KIF3B: variants seen among roughly 807,000 people sequenced by gnomAD.
KIF3B encodes the protein kinesin family member 3B, also known as kinesin-like protein KIF3B.
A neutral mutation model predicts 74.3 loss-of-function variants in KIF3B; 38 were observed. That is an observed-to-expected ratio of 0.51 (90% CI 0.39 to 0.67). The LOEUF is 0.67. Ranked by LOEUF, KIF3B falls within the 30% of genes least tolerant of loss-of-function variation. The pLI is 0.00. For missense variants in KIF3B, 649 were observed against 932.0 expected (o/e 0.70, Z 3.95); for synonymous variants, 326 against 342.5 (o/e 0.95, Z 0.53).
rs571554356 is a variant in KIF3B at position 32,280,770 on chromosome 20, G to A, written c.-66+3005G>A. On this transcript the variant is annotated intron_variant, in intron 1 of 8. Coordinates refer to ENST00000375712, the MANE Select transcript of KIF3B (RefSeq NM_004798.4). ...GAAAGATGAAAGCTGATGGTAGGAC[G>A]TTAGGTTTAGTAGCTCAACATCCAA... is the stretch of plus-strand genomic sequence containing the variant. 8.7e-5 allele frequency among the ~76,000 whole-genome samples: 13 copies of A among 149,414 alleles called. 1 individual carries two copies. The highest frequency in any genetic ancestry group is 8.5e-4 in the South Asian group (4 of 4,706).
intron 1 of KIF3B, among the ~76,000 whole-genome samples, chr20:32,300,210 C>CT (rs1475898258): frequency 6.6e-6 from 1 of 152,120 alleles, no homozygotes; most frequent in Non-Finnish European, 1.5e-5. Flanking sequence ...TCAAGGTATC[C>CT]TACTGCCTCA....
chr20:32,296,397 G>A (rs1182066082), intron 1 of KIF3B, among the ~76,000 whole-genome samples: 4 of 152,110 alleles, frequency 2.6e-5, no homozygotes, highest in African/African-American at 9.7e-5. Flanking sequence ...GAGGCCGGGA[G>A]TTCAAGAACA....
At chr20:32,308,099 G>A (rs1312709581) in intron 1 of KIF3B, among the ~76,000 whole-genome samples, 1 of 151,950 alleles carries the variant, frequency 6.6e-6, no homozygotes, top group African/African-American at 2.4e-5. Context: ...AGCCGGGCAT[G>A]GTGGCAGGTG....
At chr20:32,293,279 G>C (rs1032991435) in intron 1 of KIF3B, among the ~76,000 whole-genome samples, 3 of 151,516 alleles carry the variant, frequency 2.0e-5, no homozygotes, top group African/African-American at 7.3e-5. Flanking sequence ...ATGAATGAAT[G>C]AAAGGAAGTA....
intron 1 of KIF3B, among the ~76,000 whole-genome samples, chr20:32,294,107 A>G (rs1291781083): frequency 6.6e-6 from 1 of 152,110 alleles, no homozygotes; most frequent in African/African-American, 2.4e-5. Context: ...TGAATACAAT[A>G]AAACCCAAGA....
intron 1 of KIF3B, among the ~76,000 whole-genome samples, chr20:32,308,852 A>G (rs2047785639): frequency 6.6e-6 from 1 of 150,532 alleles, no homozygotes; most frequent in Non-Finnish European, 1.5e-5. Context: ...AGTAGCTGGG[A>G]CTATAGGCGC....
chr20:32,309,801 G>A lies in KIF3B; in HGVS notation c.24G>A (p.Glu8=). ...TCATGTCAAAGTTGAAAAGCTCAGA[G>A]TCAGTCAGGGTGGTGGTTCGCTGTC... MSKLKSS[E]SVRVVVRCRP... Residue 8 remains glutamate (E), a synonymous_variant, in exon 2 of 9, where the codon GAG becomes GAA. Coordinates refer to ENST00000375712, the MANE Select transcript of KIF3B (RefSeq NM_004798.4). The A allele has an allele frequency of 6.2e-7, 1 of 1,613,636 alleles. No homozygotes were observed. Among genetic ancestry groups the A allele is most frequent in the East Asian group, 2.2e-5 (1 of 44,876 alleles).
At chr20:32,319,544 A>ACT (rs397688880) in intron 5 of KIF3B, among the ~76,000 whole-genome samples, 1 of 138,302 alleles carries the variant, frequency 7.2e-6, no homozygotes, top group Non-Finnish European at 1.5e-5. Flanking sequence ...ACACACACAC[A>ACT]TATGTGTATA....
chr20:32,292,602 A>AAAAAG (rs1569190720), intron 1 of KIF3B, among the ~76,000 whole-genome samples: 8 of 150,462 alleles, frequency 5.3e-5, no homozygotes, highest in African/African-American at 1.7e-4. Flanking sequence ...AAAAAAAAAA[A>AAAAAG]AAAAGAAAAG....
At chr20:32,305,130 A>T (rs1345665496) in intron 1 of KIF3B, among the ~76,000 whole-genome samples, 1 of 152,150 alleles carries the variant, frequency 6.6e-6, no homozygotes, top group East Asian at 1.9e-4. Flanking sequence ...CCTGGGGGAC[A>T]GAGGGGAGAC....
intron 5 of KIF3B, among the ~76,000 whole-genome samples, chr20:32,319,710 C>T (rs1232572390): frequency 3.3e-5 from 5 of 150,306 alleles, no homozygotes; most frequent in East Asian, 3.9e-4. Flanking sequence ...CTCAGCCTCC[C>T]GAATAGCTGG....
chr20:32,311,249 A>G, intron 2 of KIF3B, 68 bp downstream of exon 2: 1 of 1,456,822 alleles, frequency 6.9e-7, no homozygotes, highest in Non-Finnish European at 9.1e-7. Context: ...AAACAACAAC[A>G]AAAAACATAA....
chr20:32,297,064 A>G (rs1012263409), intron 1 of KIF3B, among the ~76,000 whole-genome samples: 5 of 151,662 alleles, frequency 3.3e-5, no homozygotes, highest in African/African-American at 1.2e-4. Flanking sequence ...TGTCCAGGGA[A>G]TTGGTTTAGG....
At chr20:32,292,336 C>A (rs1445993347) in intron 1 of KIF3B, among the ~76,000 whole-genome samples, 1 of 151,968 alleles carries the variant, frequency 6.6e-6, no homozygotes, top group Non-Finnish European at 1.5e-5. Context: ...CATGATGGAC[C>A]TGTAATACCA....
At chr20:32,314,117 TG>T (rs1453540059) in intron 2 of KIF3B, among the ~76,000 whole-genome samples, 2 of 152,162 alleles carry the variant, frequency 1.3e-5, no homozygotes, top group Non-Finnish European at 2.9e-5. Context: ...CAGAGAAAGT[TG>T]AACTCTCAGA....
chr20:32,292,300 G>A (rs187736994), intron 1 of KIF3B, among the ~76,000 whole-genome samples: 1 of 152,194 alleles, frequency 6.6e-6, no homozygotes, highest in East Asian at 1.9e-4. Context: ...GCTGGACGTA[G>A]TGGCTCACCA....
intron 1 of KIF3B, among the ~76,000 whole-genome samples, chr20:32,300,212 A>G (rs1600423159): frequency 6.6e-6 from 1 of 150,682 alleles, no homozygotes; most frequent in Non-Finnish European, 1.5e-5. Flanking sequence ...AAGGTATCCT[A>G]CTGCCTCAGC....
rs2047934323 is a variant in KIF3B at position 32,332,300 on chromosome 20, C to T, written c.*981C>T. On this transcript the variant is annotated 3_prime_UTR_variant, in exon 9 of 9. Transcript: ENST00000375712. Reference sequence around the variant, plus strand: ...CTGTATTGTGGCACTTCTGAATTCCCCGTTTTGTTCCATATTGGTATAGAG... The same window carrying T: ...CTGTATTGTGGCACTTCTGAATTCCTCGTTTTGTTCCATATTGGTATAGAG... 1 of 152,458 alleles carries T rather than the reference C, an allele frequency of 6.6e-6. No homozygotes were observed. The highest frequency in any genetic ancestry group is 1.5e-5 in the Non-Finnish European group (1 of 68,114). 9.4% of individuals were successfully genotyped at this position (152,458 alleles called of 1,614,324 possible). A position where few individuals can be genotyped will look rare whatever the true frequency, so the allele number is the denominator to read the frequency against.
chr20:32,309,573 G>C (rs1483582938), intron 1 of KIF3B, 140 bp from the exon 2 acceptor site: 1 of 532,228 alleles, frequency 1.9e-6, no homozygotes, highest in Non-Finnish European at 3.2e-6. Flanking sequence ...AAGATCCTGT[G>C]AGGAAATATA....
Sources: gnomAD v4.1 joint callset for allele counts (sites outside exome capture counted in the v4.1 genomes callset) on GRCh38, gnomAD v4.1.1 for gene constraint, MANE v1.5 for transcripts, NCBI Gene and HGNC (gene_info 2026-07-23, HGNC 2026-07-21) for gene names.